The following GYS2 variants were observed in gnomAD, a reference collection of about 807,000 sequenced individuals.
GYS2 encodes the protein glycogen synthase 2.
GYS2 carries 80 observed loss-of-function variants against 85.6 expected under a neutral mutation model. The observed-to-expected ratio is 0.93, with a 90% CI of 0.78 to 1.13. The LOEUF (loss-of-function observed/expected upper bound fraction) is 1.13, where lower values mean the gene tolerates loss of function less well. Ranked by LOEUF, GYS2 falls within the 50% of genes most tolerant of loss-of-function variation. GYS2 has a pLI of 0.00. For synonymous variants in GYS2, 328 were observed against 300.7 expected, an observed-to-expected ratio of 1.09 and a Z score of -0.94; for missense variants, 881 against 854.9, an observed-to-expected ratio of 1.03 and a Z score of -0.38.
At chr12:21,598,076 G>A (rs551879658) in intron 1 of GYS2, among the ~76,000 whole-genome samples, 3 of 152,182 alleles carry the variant, frequency 2.0e-5, no homozygotes, top group Admixed American at 6.5e-5. Context: ...GGGAGACGAA[G>A]AGAAGTTGGT....
At chr12:21,589,788 G>A (rs1344982192) in intron 1 of GYS2, among the ~76,000 whole-genome samples, 2 of 152,054 alleles carry the variant, frequency 1.3e-5, no homozygotes, top group South Asian at 2.1e-4. Flanking sequence ...TCGCACAAAG[G>A]CATTGCTCCA....
rs368106820 is a variant in GYS2, at chr12:21,575,063, C to T, written c.496-737G>A. Among the ~76,000 whole-genome samples the T allele has an allele frequency of 1.4e-4, 22 of 151,952 alleles. No individual in the cohort carries two copies. The East Asian group carries it at 1.7e-3, about 12-fold the overall frequency. On this transcript the variant is annotated intron_variant, in intron 3 of 15. Transcript: ENST00000261195. ...ATTTTGAGAAACAAAGATAAAATGC[C>T]GTTACATCATTTTATAATAAATAAT...
intron 15 of GYS2, chr12:21,537,393 G>A (rs1177321419): frequency 1.7e-6 from 1 of 581,904 alleles, no homozygotes; most frequent in Non-Finnish European, 3.0e-6. Flanking sequence ...AATGTGCTAA[G>A]TGTTATATAC....
In GYS2 at chr12:21,540,402, T is replaced by G; in HGVS notation, c.1809+8A>C. 3.1e-6 allele frequency: 5 copies of G among 1,612,968 alleles called. No homozygotes were observed. The Admixed American group carries it at 8.3e-5, about 27-fold the overall frequency. ...AGTGGTCTGCTGTGTTTATCTAAAC[T>G]TGCTTACTCTGCCTAAGTATCTCCA... On this transcript the variant is annotated splice_region_variant and intron_variant, in intron 14 of 15. Coordinates refer to ENST00000261195, the MANE Select transcript of GYS2 (RefSeq NM_021957.4).
At chr12:21,574,384 A>C in intron 3 of GYS2, 58 bp from the exon 4 acceptor site, 1 of 1,253,710 alleles carries the variant, frequency 8.0e-7, no homozygotes, top group African/African-American at 1.5e-5. Context: ...GATTGTGCTC[A>C]TGGTCCACAT....
chr12:21,594,686 G>A (rs774743057), intron 1 of GYS2, among the ~76,000 whole-genome samples: 3 of 152,018 alleles, frequency 2.0e-5, no homozygotes, highest in Non-Finnish European at 2.9e-5. Flanking sequence ...GCAATCTACA[G>A]ATTCTATATG....
At chr12:21,584,060 C>A (rs984545285) in intron 1 of GYS2, among the ~76,000 whole-genome samples, 7 of 152,182 alleles carry the variant, frequency 4.6e-5, no homozygotes, top group African/African-American at 1.7e-4. Context: ...ATGCAGGCAC[C>A]ACCCAAAAGT....
At chr12:21,539,197 G>A (rs1424712037) in intron 15 of GYS2, 61 bp downstream of exon 15, 25 of 928,522 alleles carry the variant, frequency 2.7e-5, no homozygotes, top group Non-Finnish European at 4.2e-5. Context: ...AAATTTAAAT[G>A]TATTATTTAA....
chr12:21,547,762 G>T (rs1007948866), intron 11 of GYS2, among the ~76,000 whole-genome samples: 4 of 152,056 alleles, frequency 2.6e-5, no homozygotes, highest in Admixed American at 2.6e-4. Flanking sequence ...TATGGATCTT[G>T]GGTGGTAATT....
intron 11 of GYS2, among the ~76,000 whole-genome samples, chr12:21,550,340 C>T (rs1244954162): frequency 1.3e-5 from 2 of 151,554 alleles, no homozygotes; most frequent in Non-Finnish European, 2.9e-5. Context: ...CACACACACA[C>T]ACACACACAC....
At chr12:21,574,078 C>G in intron 4 of GYS2, 66 bp downstream of exon 4, 1 of 1,258,492 alleles carries the variant, frequency 7.9e-7, no homozygotes, top group Non-Finnish European at 1.2e-6. Context: ...CAGATCAATA[C>G]TTATCTTTCA....
At chr12:21,535,184 A>G (rs1205752178), downstream of GYS2, 1 of 152,216 alleles carries the variant, frequency 6.6e-6, no homozygotes, top group African/African-American at 2.4e-5. Flanking sequence ...TTATTATTTC[A>G]TTGAACAAAA....
chr12:21,570,098 A>T (rs143887015), intron 4 of GYS2, among the ~76,000 whole-genome samples: 113 of 152,268 alleles, frequency 7.4e-4, no homozygotes, highest in African/African-American at 2.6e-3. Flanking sequence ...CTAAAAAGAG[A>T]CCCATTAGAG....
At chr12:21,568,742 A>C in intron 5 of GYS2, 123 bp downstream of exon 5, 1 of 827,382 alleles carries the variant, frequency 1.2e-6, no homozygotes, top group Non-Finnish European at 2.1e-6. Flanking sequence ...AATACATAAA[A>C]AGAGCTGCGT....
intron 15 of GYS2, 70 bp downstream of exon 15, chr12:21,539,188 A>G: frequency 1.1e-6 from 1 of 900,416 alleles, no homozygotes; most frequent in Non-Finnish European, 1.8e-6. Flanking sequence ...GCTACTTCCA[A>G]ATTTAAATGT....
chr12:21,601,110 TC>T (rs1292995261), intron 1 of GYS2, among the ~76,000 whole-genome samples: 1 of 152,102 alleles, frequency 6.6e-6, no homozygotes, highest in Admixed American at 6.6e-5. Context: ...TGTTAATTTC[TC>T]CAGAGTTTGT....
At chr12:21,543,320 T>C (rs992054274) in intron 12 of GYS2, among the ~76,000 whole-genome samples, 2 of 152,198 alleles carry the variant, frequency 1.3e-5, no homozygotes, top group African/African-American at 4.8e-5. Flanking sequence ...CCTTATCTCT[T>C]GCTCTGCAAA....
downstream of GYS2, among the ~76,000 whole-genome samples, chr12:21,534,222 G>A (rs951227716): frequency 6.6e-6 from 1 of 152,160 alleles, no homozygotes; most frequent in African/African-American, 2.4e-5. Context: ...AAAAATATCA[G>A]TGGGCTGGCC....
intron 13 of GYS2, among the ~76,000 whole-genome samples, chr12:21,541,939 T>C (rs1943980799): frequency 6.6e-6 from 1 of 152,198 alleles, no homozygotes; most frequent in Non-Finnish European, 1.5e-5. Context: ...CTCCCACTTA[T>C]AAGTGGGAAC....
Sources: allele counts gnomAD v4.1 joint callset (sites outside exome capture counted in the v4.1 genomes callset), GRCh38; gene constraint gnomAD v4.1.1; transcripts MANE v1.5; gene names NCBI Gene and HGNC (gene_info 2026-07-23, HGNC 2026-07-21).